FHIT: variants seen among roughly 807,000 people sequenced by gnomAD.
The protein encoded by FHIT is fragile histidine triad diadenosine triphosphatase, also known as bis(5'-adenosyl)-triphosphatase.
A neutral mutation model predicts 17.9 loss-of-function variants in FHIT; 19 were observed. The ratio of observed to expected loss-of-function variants is 1.06; its 90% CI spans 0.74 to 1.56. The LOEUF is 1.56. Among genes scored for constraint, FHIT ranks in the 40% most tolerant of loss-of-function variants. The pLI, the probability that FHIT is intolerant of heterozygous loss-of-function variation, is 0.00. For synonymous variants in FHIT, 81 were observed against 69.7 expected, an observed-to-expected ratio of 1.16 and a Z score of -0.81; for missense variants, 248 against 189.2, an observed-to-expected ratio of 1.31 and a Z score of -1.82.
At chr3:59,834,552 G>A (rs1206980513) in intron 8 of FHIT, among the ~76,000 whole-genome samples, 2 of 152,122 alleles carry the variant, frequency 1.3e-5, no homozygotes, top group Admixed American at 1.3e-4. Context: ...TGCTAGTATG[G>A]TCAGTTCCTG....
chr3:60,693,686 C>A (rs1480227470), intron 4 of FHIT, among the ~76,000 whole-genome samples: 1 of 152,240 alleles, frequency 6.6e-6, no homozygotes, highest in Non-Finnish European at 1.5e-5. Context: ...GCAGCCAGTA[C>A]TCTTCACTTG....
chr3:59,901,159 T>C (rs116598858), intron 8 of FHIT, among the ~76,000 whole-genome samples: 207 of 152,354 alleles, frequency 1.4e-3, no homozygotes, highest in African/African-American at 4.9e-3. Context: ...TATTCTAACA[T>C]GTCTTAGTGT....
chr3:61,153,871 G>T (rs1209025813), intron 2 of FHIT, among the ~76,000 whole-genome samples: 1 of 152,066 alleles, frequency 6.6e-6, no homozygotes, highest in Non-Finnish European at 1.5e-5. Flanking sequence ...AGCAAGTCTT[G>T]ATATTATTTT....
intron 4 of FHIT, among the ~76,000 whole-genome samples, chr3:60,572,079 A>G (rs1056009228): frequency 4.6e-5 from 7 of 152,092 alleles, no homozygotes; most frequent in African/African-American, 1.7e-4. Context: ...ACTTAGAGTC[A>G]ATAGATTCTA....
chr3:60,174,186 A>G (rs890208016), intron 5 of FHIT, among the ~76,000 whole-genome samples: 5 of 151,610 alleles, frequency 3.3e-5, no homozygotes, highest in South Asian at 2.1e-4. Flanking sequence ...CTGGGATTAC[A>G]GGCGTGAGCC....
At chr3:60,149,318 G>A (rs1439582135) in intron 5 of FHIT, among the ~76,000 whole-genome samples, 2 of 149,554 alleles carry the variant, frequency 1.3e-5, no homozygotes, top group Admixed American at 6.7e-5. Flanking sequence ...AAATAGAATA[G>A]TGTTGGATAT....
intron 3 of FHIT, among the ~76,000 whole-genome samples, chr3:60,842,059 C>T (rs1553745168): frequency 6.6e-6 from 1 of 152,106 alleles, no homozygotes; most frequent in Non-Finnish European, 1.5e-5. Context: ...AGGGCCTACA[C>T]AACTGTCATC....
At chr3:59,884,044 T>C (rs1171219197) in intron 8 of FHIT, among the ~76,000 whole-genome samples, 2 of 152,242 alleles carry the variant, frequency 1.3e-5, no homozygotes, top group South Asian at 2.1e-4. Context: ...CCAATATTCA[T>C]GTCTGAAGCA....
intron 5 of FHIT, among the ~76,000 whole-genome samples, chr3:60,353,990 G>T (rs1413709430): frequency 6.6e-6 from 1 of 152,028 alleles, no homozygotes; most frequent in African/African-American, 2.4e-5. Context: ...AAGGAAACAA[G>T]AAGAGATGGC....
chr3:60,252,893 G>A (rs1419644788), intron 5 of FHIT, among the ~76,000 whole-genome samples: 1 of 152,022 alleles, frequency 6.6e-6, no homozygotes, highest in Non-Finnish European at 1.5e-5. Context: ...AGCTACTCGG[G>A]AGGCTGAGGC....
chr3:60,799,236 G>A lies in FHIT; in HGVS notation c.-18+22683C>T, dbSNP rs536804887. On this transcript the variant is annotated intron_variant, in intron 4 of 9. Transcript: ENST00000492590. ...GTTGCCCAGGCTAGAGTGCAATGGC[G>A]CAATCTCGGCTCACTGCAACCTCCA... is the stretch of plus-strand genomic sequence containing the variant. 5.3e-4 allele frequency among the ~76,000 whole-genome samples: 80 copies of A among 151,776 alleles called. 1 individual carries two copies. Among genetic ancestry groups the A allele is most frequent in the Non-Finnish European group, 9.4e-4 (64 of 67,904 alleles).
At position 60,823,093 on chromosome 3, in the gene FHIT, C is replaced by T. The variant is rs577349082; in HGVS notation, c.-110-1082G>A. 1.2e-3 allele frequency among the ~76,000 whole-genome samples: 177 copies of T among 152,306 alleles called. 1 individual carries two copies. The highest frequency in any genetic ancestry group is 4.2e-3 in the African/African-American group (173 of 41,568). ...TTCATTTAACAAGTATTTATTGAGACTCTACTAAGGTGTCAGGCACTATTC... is the reference window on the plus strand; with the variant it reads ...TTCATTTAACAAGTATTTATTGAGATTCTACTAAGGTGTCAGGCACTATTC... On this transcript the variant is annotated intron_variant, in intron 3 of 9. Coordinates refer to ENST00000492590, the MANE Select transcript of FHIT (RefSeq NM_002012.4).
intron 4 of FHIT, among the ~76,000 whole-genome samples, chr3:60,757,204 T>C (rs1553718519): frequency 6.6e-6 from 1 of 152,192 alleles, no homozygotes; most frequent in African/African-American, 2.4e-5. Context: ...CACTATTGCA[T>C]AAATGGGAAG....
chr3:61,179,435 C>T (rs1460600357), intron 2 of FHIT, among the ~76,000 whole-genome samples: 1 of 152,072 alleles, frequency 6.6e-6, no homozygotes, highest in Non-Finnish European at 1.5e-5. Context: ...TTAGTCCAGG[C>T]ACAGTGACCC....
intron 5 of FHIT, among the ~76,000 whole-genome samples, chr3:60,364,936 C>T (rs944030709): frequency 1.3e-5 from 2 of 152,020 alleles, no homozygotes; most frequent in Non-Finnish European, 2.9e-5. Flanking sequence ...TAAATCATAC[C>T]ATAGGCTTTC....
intron 5 of FHIT, among the ~76,000 whole-genome samples, chr3:60,475,589 A>T (rs1259404983): frequency 1.3e-5 from 2 of 152,206 alleles, no homozygotes; most frequent in Admixed American, 1.3e-4. Flanking sequence ...GCAGAAATTC[A>T]CAAGGTGCAG....
chr3:60,226,387 G>T (rs1356661920), intron 5 of FHIT, among the ~76,000 whole-genome samples: 1 of 150,626 alleles, frequency 6.6e-6, no homozygotes, highest in African/African-American at 2.4e-5. Context: ...CAGGAGAACC[G>T]CTTGAACCCG....
chr3:60,640,155 G>T (rs1653686061), intron 4 of FHIT, among the ~76,000 whole-genome samples: 1 of 152,146 alleles, frequency 6.6e-6, no homozygotes. Flanking sequence ...TCCACAGTGT[G>T]GCACAAGGAA....
chr3:60,234,342 T>C (rs747325190), intron 5 of FHIT, among the ~76,000 whole-genome samples: 95 of 152,234 alleles, frequency 6.2e-4, no homozygotes, highest in Non-Finnish European at 1.2e-3. Flanking sequence ...ACATAATGAA[T>C]AACTACTTAC....
Sources: allele counts gnomAD v4.1 joint callset (sites outside exome capture counted in the v4.1 genomes callset), GRCh38; gene constraint gnomAD v4.1.1; transcripts MANE v1.5; gene names NCBI Gene and HGNC (gene_info 2026-07-23, HGNC 2026-07-21).